The following MAPK10 variants were observed in gnomAD, a reference collection of about 807,000 sequenced individuals.
MAPK10 encodes the protein JNK3 alpha protein kinase.
A neutral mutation model predicts 59.3 loss-of-function variants in MAPK10; 25 were observed. The observed-to-expected ratio is 0.42, with a 90% CI of 0.31 to 0.59. The LOEUF (loss-of-function observed/expected upper bound fraction) is 0.59. Ranked by LOEUF, MAPK10 falls within the 20% of genes least tolerant of loss-of-function variation. The pLI is 0.15. For missense variants in MAPK10, 351 were observed against 568.9 expected, an observed-to-expected ratio of 0.62 and a Z score of 3.90; for synonymous variants, 190 against 200.5, an observed-to-expected ratio of 0.95 and a Z score of 0.44.
rs151295994 is a variant in MAPK10, at chr4:86,046,788, A to G, written c.1111-15357T>C. 1.3e-3 allele frequency among the ~76,000 whole-genome samples: 201 copies of G among 152,238 alleles called. 1 individual carries two copies. Among genetic ancestry groups the G allele is most frequent in the African/African-American group, 4.7e-3 (195 of 41,570 alleles). On this transcript the variant is annotated intron_variant, in intron 11 of 13. Transcript: ENST00000641462. ...AACATCCTGAGCTTTAGTGTCTTCAATTCTAAACACAGATACATTCATTCA... is the reference window on the plus strand; with the variant it reads ...AACATCCTGAGCTTTAGTGTCTTCAGTTCTAAACACAGATACATTCATTCA...
chr4:86,089,135 C>T, intron 9 of MAPK10: 1 of 1,148,690 alleles, frequency 8.7e-7, no homozygotes, highest in Non-Finnish European at 1.3e-6. Context: ...ATAAGCAGTA[C>T]TGCATTTGAG....
At chr4:86,048,049 C>A (rs2042831002) in intron 11 of MAPK10, among the ~76,000 whole-genome samples, 2 of 152,008 alleles carry the variant, frequency 1.3e-5, no homozygotes, top group South Asian at 4.1e-4. Flanking sequence ...GGATAGTCAT[C>A]ATTTTCTAGA....
chr4:86,230,034 G>A (rs527713129), intron 2 of MAPK10, among the ~76,000 whole-genome samples: 14 of 152,250 alleles, frequency 9.2e-5, no homozygotes, highest in South Asian at 2.1e-4. Context: ...GCACTCTAGC[G>A]TGGGCAACAG....
chr4:86,540,753 GA>G (rs2149094988), intron 1 of MAPK10, among the ~76,000 whole-genome samples: 1 of 143,588 alleles, frequency 7.0e-6, no homozygotes. Context: ...TCAGATGTAG[GA>G]AAAGTCCCTG....
chr4:86,095,276 G>A (rs1392368872), intron 9 of MAPK10: 3 of 151,336 alleles, frequency 2.0e-5, no homozygotes, highest in Non-Finnish European at 1.5e-5. Context: ...TTGAATGTGG[G>A]AAAGTAGTTA....
chr4:86,205,724 T>G lies in MAPK10; in HGVS notation c.-6-11317A>C, dbSNP rs544694502. 1.6e-4 allele frequency among the ~76,000 whole-genome samples: 25 copies of G among 152,122 alleles called. No homozygotes were observed. In the South Asian group the frequency reaches 5.2e-3, roughly 32 times the overall value. ...TAAAAAAGAAAAATTCTTGTCATAT[T>G]CAGTAGATAGAGAAAATAATTTGAT... On this transcript the variant is annotated intron_variant, in intron 2 of 13. Coordinates refer to ENST00000641462, the MANE Select transcript of MAPK10 (RefSeq NM_138982.4).
chr4:86,031,222 T>A (rs2038946609), intron 12 of MAPK10, 146 bp downstream of exon 12: 1 of 623,198 alleles, frequency 1.6e-6, no homozygotes, highest in Non-Finnish European at 2.8e-6. Flanking sequence ...AAAAGACAGA[T>A]GAAGTTTTAG....
At chr4:86,317,731 A>G (rs1182305836) in intron 2 of MAPK10, among the ~76,000 whole-genome samples, 9 of 152,182 alleles carry the variant, frequency 5.9e-5, no homozygotes, top group Non-Finnish European at 1.3e-4. Context: ...GCCATAAATA[A>G]TCCTGGAAAT....
intron 2 of MAPK10, among the ~76,000 whole-genome samples, chr4:86,352,664 A>C (rs186587804): frequency 6.6e-6 from 1 of 152,304 alleles, no homozygotes; most frequent in Non-Finnish European, 1.5e-5. Flanking sequence ...AGTCTATTAC[A>C]TCATGTTTGA....
chr4:86,588,868 A>G (rs1429177451), intron 1 of MAPK10, among the ~76,000 whole-genome samples: 4 of 152,272 alleles, frequency 2.6e-5, no homozygotes, highest in South Asian at 2.1e-4. Flanking sequence ...ATTCACTCAT[A>G]CCTCCTTCTA....
intron 2 of MAPK10, among the ~76,000 whole-genome samples, chr4:86,246,961 CT>C (rs1191097453): frequency 3.3e-5 from 5 of 152,180 alleles, no homozygotes; most frequent in Non-Finnish European, 5.9e-5. Context: ...AGTGTGCAAC[CT>C]AAGTTGGACC....
At chr4:86,380,350 C>T (rs1002120150) in intron 1 of MAPK10, among the ~76,000 whole-genome samples, 13 of 152,154 alleles carry the variant, frequency 8.5e-5, no homozygotes, top group South Asian at 6.2e-4. Context: ...GTCTGATTTC[C>T]CTGACATCAG....
chr4:86,200,061 G>A (rs17011460), intron 2 of MAPK10, among the ~76,000 whole-genome samples: 29,272 of 151,790 alleles, frequency 0.19, 3,494 homozygotes, highest in African/African-American at 0.33. Flanking sequence ...AACAAAAGGA[G>A]CAATTTACTC....
intron 1 of MAPK10, among the ~76,000 whole-genome samples, chr4:86,407,154 T>C (rs1404908079): frequency 6.6e-6 from 1 of 152,214 alleles, no homozygotes; most frequent in Non-Finnish European, 1.5e-5. Flanking sequence ...ATTTACCCTA[T>C]ACTAATATTT....
intron 2 of MAPK10, among the ~76,000 whole-genome samples, chr4:86,206,926 A>C: frequency 6.6e-6 from 1 of 151,976 alleles, no homozygotes. Context: ...GTTGGAGTTC[A>C]TTGTAGATTC....
chr4:86,143,094 G>A (rs1187292299), intron 4 of MAPK10, among the ~76,000 whole-genome samples: 1 of 152,138 alleles, frequency 6.6e-6, no homozygotes, highest in Non-Finnish European at 1.5e-5. Context: ...AGAAGGCAAA[G>A]GAGAAGCAGG....
At chr4:86,554,709 T>G (rs1285201218) in intron 1 of MAPK10, among the ~76,000 whole-genome samples, 3 of 152,182 alleles carry the variant, frequency 2.0e-5, no homozygotes, top group African/African-American at 4.8e-5. Context: ...TCTTTTACAT[T>G]CCTAACATCA....
chr4:86,136,810 C>A (rs572573267), intron 4 of MAPK10, among the ~76,000 whole-genome samples: 105 of 151,728 alleles, frequency 6.9e-4, no homozygotes, highest in African/African-American at 2.5e-3. Flanking sequence ...CAGAGACACA[C>A]ATAGGCTCAA....
At chr4:86,516,868 T>C (rs1315640843) in intron 1 of MAPK10, among the ~76,000 whole-genome samples, 1 of 152,336 alleles carries the variant, frequency 6.6e-6, no homozygotes, top group East Asian at 1.9e-4. Flanking sequence ...ACAGTGACAG[T>C]TTGACTTTCT....
Sources: allele counts gnomAD v4.1 joint callset (sites outside exome capture counted in the v4.1 genomes callset), GRCh38; gene constraint gnomAD v4.1.1; transcripts MANE v1.5; gene names NCBI Gene and HGNC (gene_info 2026-07-23, HGNC 2026-07-21).